Variants in THADA observed in about 807,000 individuals in gnomAD.
THADA encodes the protein tRNA (32-2'-O)-methyltransferase regulator THADA.
In THADA, 213 loss-of-function variants were observed where a neutral mutation model predicts 219.8. The observed-to-expected ratio is 0.97, with a 90% CI of 0.87 to 1.09. The LOEUF (loss-of-function observed/expected upper bound fraction) is 1.09. Among genes scored for constraint, THADA ranks in the 50% least tolerant of loss-of-function variants. The pLI, the probability that THADA is intolerant of heterozygous loss-of-function variation, is 0.00. For synonymous variants in THADA, 1,018 were observed against 828.9 expected (o/e 1.23, Z -3.92); for missense variants, 2,956 against 2,311.3 (o/e 1.28, Z -5.72).
At chr2:43,540,669 C>T (rs1695176991) in intron 21 of THADA, among the ~76,000 whole-genome samples, 2 of 152,168 alleles carry the variant, frequency 1.3e-5, no homozygotes, top group Admixed American at 1.3e-4. Flanking sequence ...ACTCAAGTCA[C>T]TTGAACAGTC....
At chr2:43,272,730 T>G (rs1558498613) in intron 36 of THADA, among the ~76,000 whole-genome samples, 1 of 150,756 alleles carries the variant, frequency 6.6e-6, no homozygotes, top group Non-Finnish European at 1.5e-5. Context: ...GCTCAAGTGA[T>G]CCTCCCACCT....
Position 43,398,081 on chromosome 2 carries a change from AT to A in THADA, c.4116del (p.Phe1373LeufsTer3). 1 of 1,614,026 alleles carries A rather than the reference AT, an allele frequency of 6.2e-7. No individual in the cohort carries two copies. The highest frequency in any genetic ancestry group is 8.5e-7 in the Non-Finnish European group (1 of 1,179,862). ...TTAGGAATGTGATCTATCATAACAA[AT>A]GGGACCAAGGCACGAGCTGCCATTT... ...SREMAARALV[P>X]FVMIDHIPNT... On this transcript the variant is annotated frameshift_variant, in exon 29 of 38. Transcript: ENST00000405975. LOFTEE classifies it high-confidence loss of function.
chr2:43,580,926 C>T (rs10179648), intron 8 of THADA, among the ~76,000 whole-genome samples: 105,306 of 151,742 alleles, frequency 0.69, 38,092 homozygotes, highest in African/African-American at 0.87. Flanking sequence ...ATGCTATTGT[C>T]TTCCAATCAG....
At chr2:43,404,505 C>G (rs961637147) in intron 28 of THADA, among the ~76,000 whole-genome samples, 4 of 151,358 alleles carry the variant, frequency 2.6e-5, no homozygotes, top group African/African-American at 9.7e-5. Context: ...TGCTAAGGTA[C>G]TACCTTTTTT....
intron 22 of THADA, 112 bp downstream of exon 22, chr2:43,527,767 C>T (rs1325073623): frequency 1.5e-6 from 1 of 685,144 alleles, no homozygotes; most frequent in Non-Finnish European, 2.4e-6. Flanking sequence ...GTTTTGTAGT[C>T]AACCAGGTCT....
At chr2:43,569,635 A>C (rs1399969219) in intron 14 of THADA, among the ~76,000 whole-genome samples, 1 of 152,232 alleles carries the variant, frequency 6.6e-6, no homozygotes, top group African/African-American at 2.4e-5. Flanking sequence ...AAGGGCATCC[A>C]TAATAATGTT....
At chr2:43,524,082 T>G (rs994719815) in intron 22 of THADA, among the ~76,000 whole-genome samples, 4 of 152,166 alleles carry the variant, frequency 2.6e-5, no homozygotes, top group Non-Finnish European at 5.9e-5. Context: ...ACCACTCCAA[T>G]CAAATGCTTA....
intron 25 of THADA, among the ~76,000 whole-genome samples, chr2:43,493,441 G>C (rs1243976723): frequency 6.6e-6 from 1 of 152,180 alleles, no homozygotes; most frequent in Admixed American, 6.5e-5. Context: ...GTTGCAGTGA[G>C]ATGAGATTAT....
chr2:43,482,991 G>A (rs1297889415), intron 26 of THADA, among the ~76,000 whole-genome samples: 2 of 152,154 alleles, frequency 1.3e-5, no homozygotes, highest in African/African-American at 2.4e-5. Context: ...TCCAGTGGCA[G>A]CAAAATGCCT....
At chr2:43,269,898 G>T (rs1671939232) in intron 36 of THADA, among the ~76,000 whole-genome samples, 1 of 152,188 alleles carries the variant, frequency 6.6e-6, no homozygotes, top group African/African-American at 2.4e-5. Context: ...CTGACTCAGG[G>T]TGTGGTTTGA....
At chr2:43,292,737 C>G in intron 32 of THADA, 97 bp downstream of exon 32, 5 of 1,485,208 alleles carry the variant, frequency 3.4e-6, no homozygotes, top group Non-Finnish European at 4.5e-6. Flanking sequence ...CCCTGGAGAG[C>G]CTAAACCCAA....
intron 25 of THADA, among the ~76,000 whole-genome samples, chr2:43,489,339 CCCAG>C (rs1170932935): frequency 2.6e-5 from 4 of 152,094 alleles, no homozygotes; most frequent in Non-Finnish European, 5.9e-5. Context: ...TGTCACTATG[CCCAG>C]CCAGACATTT....
At chr2:43,372,089 C>A (rs1161622032) in intron 29 of THADA, 1 of 152,178 alleles carries the variant, frequency 6.6e-6, no homozygotes, top group Non-Finnish European at 1.5e-5. Context: ...ATATAAACTT[C>A]TTTCTTAGTA....
At chr2:43,448,451 C>T (rs1681859430) in intron 26 of THADA, among the ~76,000 whole-genome samples, 1 of 151,956 alleles carries the variant, frequency 6.6e-6, no homozygotes, top group East Asian at 1.9e-4. Context: ...GATACAAACA[C>T]ATAGGCAGGC....
intron 37 of THADA, among the ~76,000 whole-genome samples, chr2:43,232,201 T>C (rs1182362891): frequency 1.3e-5 from 2 of 151,324 alleles, no homozygotes; most frequent in African/African-American, 2.4e-5. Context: ...TTTTTTGAGA[T>C]GGAGTCTTGC....
intron 28 of THADA, among the ~76,000 whole-genome samples, chr2:43,420,656 C>T (rs757694338): frequency 1.3e-5 from 2 of 152,174 alleles, no homozygotes; most frequent in South Asian, 2.1e-4. Context: ...GAGGTGAACT[C>T]CTCATTCCTT....
intron 29 of THADA, among the ~76,000 whole-genome samples, chr2:43,396,347 G>A (rs7604544): frequency 0.24 from 37,241 of 152,014 alleles, 4,742 homozygotes; most frequent in South Asian, 0.32. Flanking sequence ...CAAGTCTGGT[G>A]GCCCTGCTAT....
At position 43,400,478 on chromosome 2, in the gene THADA, A is replaced by ATATAT. The variant is rs10687373; in HGVS notation, c.4059-2340_4059-2339insATATA. Among the ~76,000 whole-genome samples the ATATAT allele has an allele frequency of 7.7e-4, 90 of 116,984 alleles. 3 individuals are homozygous for ATATAT. Among genetic ancestry groups the ATATAT allele is most frequent in the South Asian group, 3.9e-3 (16 of 4,052 alleles). The allele number at this position is 116,984 out of a possible 152,430, so 76.7% of individuals were successfully genotyped here. The stretch of plus-strand genomic sequence containing the variant: ...AAATTTATATATATATATATATATA[A>ATATAT]ATATATACACTAAGAAAAAAAATTT... On this transcript the variant is annotated intron_variant, in intron 28 of 37. Transcript: ENST00000405975.
intron 3 of THADA, 103 bp from the exon 4 acceptor site, chr2:43,591,057 A>AG: frequency 9.1e-7 from 1 of 1,100,120 alleles, no homozygotes; most frequent in Non-Finnish European, 1.3e-6. Context: ...ACAGTGGCTC[A>AG]CCCCTGTAAT....
Sources: allele counts gnomAD v4.1 joint callset (sites outside exome capture counted in the v4.1 genomes callset), GRCh38; gene constraint gnomAD v4.1.1; transcripts MANE v1.5; gene names NCBI Gene and HGNC (gene_info 2026-07-23, HGNC 2026-07-21).